The following ATG4D variants were observed in gnomAD, a reference collection of about 807,000 sequenced individuals.
ATG4D encodes the protein autophagy related 4D cysteine peptidase, also known as cysteine protease ATG4D.
A neutral mutation model predicts 55.2 loss-of-function variants in ATG4D; 51 were observed. That is an observed-to-expected ratio of 0.92 (90% CI 0.74 to 1.17). The LOEUF (loss-of-function observed/expected upper bound fraction) is 1.17. Ranked by LOEUF, ATG4D falls within the 50% of genes most tolerant of loss-of-function variation. ATG4D has a pLI of 0.00. For missense variants in ATG4D, 635 were observed against 649.6 expected (o/e 0.98, Z 0.25); for synonymous variants, 268 against 266.2 (o/e 1.01, Z -0.07).
At chr19:10,546,574 G>A (rs1167029015) in intron 3 of ATG4D, among the ~76,000 whole-genome samples, 6 of 151,418 alleles carry the variant, frequency 4.0e-5, no homozygotes, top group Non-Finnish European at 5.9e-5. Flanking sequence ...GGCTGGTCTC[G>A]AACTCCAGGC....
chr19:10,551,797 C>A, intron 6 of ATG4D, 100 bp from the exon 7 acceptor site: 1 of 1,078,638 alleles, frequency 9.3e-7, no homozygotes, highest in Non-Finnish European at 1.4e-6. Context: ...TGGTCTTGAT[C>A]ACTGCTGCCC....
intron 3 of ATG4D, among the ~76,000 whole-genome samples, chr19:10,545,606 G>A (rs1183496973): frequency 6.6e-6 from 1 of 150,712 alleles, no homozygotes; most frequent in African/African-American, 2.4e-5. Flanking sequence ...CACCAGGCAC[G>A]GTGGCTCATG....
At chr19:10,545,227 G>C in intron 3 of ATG4D, 97 bp downstream of exon 3, 3 of 1,459,574 alleles carry the variant, frequency 2.1e-6, no homozygotes, top group Non-Finnish European at 9.2e-7. Flanking sequence ...TCAAAGTCAC[G>C]TTAGAATTGT....
At position 10,553,083 on chromosome 19, in the gene ATG4D, G is replaced by A. The variant is rs1358054757; in HGVS notation, c.*16G>A. 1.3e-6 allele frequency: 2 copies of A among 1,586,338 alleles called. No individual in the cohort carries two copies. Among genetic ancestry groups the A allele is most frequent in the Non-Finnish European group, 1.7e-6 (2 of 1,168,048 alleles). The stretch of plus-strand genomic sequence containing the variant: ...GTTTTTATAAAGGGAGGGGATGAGG[G>A]GAAAGATACAACACTATTTATTTTT... On this transcript the variant is annotated 3_prime_UTR_variant, in exon 10 of 10. Coordinates refer to ENST00000309469, the MANE Select transcript of ATG4D (RefSeq NM_032885.6).
intron 1 of ATG4D, 181 bp from the exon 2 acceptor site, chr19:10,544,602 C>T (rs1915972278): frequency 8.0e-7 from 1 of 1,255,180 alleles, no homozygotes; most frequent in African/African-American, 1.5e-5. Context: ...TTCCTTCATC[C>T]TGAATTGATG....
In ATG4D at chr19:10,547,628, A is replaced by G. The variant is rs1249969525; in HGVS notation, c.835+375A>G. The stretch of plus-strand genomic sequence containing the variant: ...GGGCGACAGAGTAGGATCCTGTCGA[A>G]AAAAAAAAAAAAAAAAAAAAGAGGC... On this transcript the variant is annotated intron_variant, in intron 5 of 9. Transcript: ENST00000309469. Among the ~76,000 whole-genome samples the G allele has an allele frequency of 4.7e-3, 136 of 28,870 alleles. No homozygotes were observed. In the East Asian group the frequency reaches 0.1, roughly 22 times the overall value. The allele number at this position is 28,870 out of a possible 152,430, so 18.9% of individuals were successfully genotyped here.
chr19:10,551,073 C>G (rs1232045849), intron 6 of ATG4D: 1 of 152,156 alleles, frequency 6.6e-6, no homozygotes, highest in Non-Finnish European at 1.5e-5. Flanking sequence ...GAGACAAATT[C>G]TAAAAGAGCT....
Position 10,547,209 on chromosome 19 carries a change from C to T in ATG4D, c.791C>T (p.Ser264Phe). Residue 264 changes from serine to phenylalanine, a missense_variant, in exon 5 of 10, where the codon TCC becomes TTC. By Grantham distance (155) the Ser-to-Phe change is radical. Transcript: ENST00000309469. ...HILRKAVESCSDVTRLVVYVS... is the reference protein window; with the variant it reads ...HILRKAVESCFDVTRLVVYVS... ...CCCAGGAAAGCCGTGGAGAGCTGCT[C>T]CGACGTCACCCGCCTGGTGGTGTAC... The T allele has an allele frequency of 6.2e-7, 1 of 1,614,012 alleles. No homozygotes were observed. Among genetic ancestry groups the T allele is most frequent in the Non-Finnish European group, 8.5e-7 (1 of 1,179,964 alleles).
At position 10,552,922 on chromosome 19, in the gene ATG4D, T is replaced by C. The variant is rs761287717; in HGVS notation, c.1280T>C (p.Met427Thr). The C allele has an allele frequency of 1.8e-5, 29 of 1,613,286 alleles. No individual in the cohort carries two copies. Among genetic ancestry groups the C allele is most frequent in the Non-Finnish European group, 4.2e-6 (5 of 1,179,900 alleles). Residue 427 changes from methionine (M) to threonine (T), a missense_variant, in exon 10 of 10, where the codon ATG (methionine) becomes ACG (threonine). Coordinates refer to ENST00000309469, the MANE Select transcript of ATG4D (RefSeq NM_032885.6). ...SSSSATERYPMFTLAEGHAQD... is the reference protein window; with the variant it reads ...SSSSATERYPTFTLAEGHAQD... ...TCCTCAGCCACAGAGCGGTACCCCATGTTCACCCTGGCCGAGGGCCATGCT... is the reference window on the plus strand; with the variant it reads ...TCCTCAGCCACAGAGCGGTACCCCACGTTCACCCTGGCCGAGGGCCATGCT...
intron 9 of ATG4D, 54 bp from the exon 10 acceptor site, chr19:10,552,831 A>T: frequency 6.5e-7 from 1 of 1,539,864 alleles, no homozygotes; most frequent in Non-Finnish European, 8.8e-7. Flanking sequence ...ACCTGGGCTA[A>T]GGAATATGGC....
rs1488471219 is a variant in ATG4D, at chr19:10,553,201, C to T, written c.*134C>T. 42 of 1,152,740 alleles carry T rather than the reference C, an allele frequency of 3.6e-5. No individual in the cohort carries two copies. Among genetic ancestry groups the T allele is most frequent in the Admixed American group, 2.8e-4 (10 of 36,314 alleles). 71.4% of individuals were successfully genotyped at this position (1,152,740 alleles called of 1,614,324 possible). A position where few individuals can be genotyped will look rare whatever the true frequency, so the allele number is the denominator to read the frequency against. On this transcript the variant is annotated 3_prime_UTR_variant, in exon 10 of 10. Transcript: ENST00000309469. Reference sequence around the variant, plus strand: ...CCCCTCAAGCCCAGCTGCAACCAGTCTGGGGCCATTCAGCCAGGGACAGAG... The same window carrying T: ...CCCCTCAAGCCCAGCTGCAACCAGTTTGGGGCCATTCAGCCAGGGACAGAG...
At chr19:10,548,302 G>T (rs1231277469) in intron 5 of ATG4D, among the ~76,000 whole-genome samples, 1 of 151,744 alleles carries the variant, frequency 6.6e-6, no homozygotes, top group Admixed American at 6.6e-5. Flanking sequence ...CAAAGTGCTG[G>T]GATTACAAGC....
intron 1 of ATG4D, 138 bp downstream of exon 1, chr19:10,544,463 C>G: frequency 1.1e-6 from 1 of 918,560 alleles, no homozygotes; most frequent in Non-Finnish European, 1.5e-6. Flanking sequence ...CAGGGTGGAC[C>G]TGTGGCAGGT....
rs376504135 is a variant in ATG4D at position 10,546,957 on chromosome 19, T to C, written c.612T>C (p.Pro204=). 3.8e-5 allele frequency: 62 copies of C among 1,610,882 alleles called. No individual in the cohort carries two copies. The highest frequency in any genetic ancestry group is 4.7e-5 in the Non-Finnish European group (56 of 1,178,996). Residue 204 remains proline, a synonymous_variant, in exon 4 of 10, where the codon CCT becomes CCC. Transcript: ENST00000309469. ...WMPPRWAQGA[P]ELEQERRHRQ... ...CCCCACGCTGGGCCCAGGGTGCCCC[T>C]GAGCTGGAGCAGGAACGCCGGCACC...
At chr19:10,550,711 T>C (rs957710860) in intron 6 of ATG4D, among the ~76,000 whole-genome samples, 1 of 142,896 alleles carries the variant, frequency 7.0e-6, no homozygotes, top group Non-Finnish European at 1.5e-5. Context: ...CATGTGGCTT[T>C]TTTTTTTTTT....
intron 6 of ATG4D, chr19:10,550,932 G>C (rs954158779): frequency 2.0e-5 from 3 of 151,888 alleles, no homozygotes; most frequent in Admixed American, 6.6e-5. Context: ...GGATGGTCTC[G>C]ATCTCCTGAC....
At chr19:10,550,078 GCTCACTGCAAC>G (rs960926696) in intron 6 of ATG4D, among the ~76,000 whole-genome samples, 37 of 152,042 alleles carry the variant, frequency 2.4e-4, no homozygotes, top group African/African-American at 8.9e-4. Context: ...CACCGTCTTG[GCTCACTGCAAC>G]CTCCGCTTCC....
Position 10,543,974 on chromosome 19 carries a change from G to A in ATG4D, c.-117G>A, listed in dbSNP as rs1044171555. 2 of 620,700 alleles carry A rather than the reference G, an allele frequency of 3.2e-6. No individual in the cohort carries two copies. The highest frequency in any genetic ancestry group is 9.0e-5 in the Admixed American group (2 of 22,292). 38.4% of individuals were successfully genotyped at this position (620,700 alleles called of 1,614,324 possible). Reference sequence around the variant, plus strand: ...GGCTGTTGCCTGGCCCGGTACCCTGGGGACGGGGGCCGAGTAGCGCCTTCC... The same window carrying A: ...GGCTGTTGCCTGGCCCGGTACCCTGAGGACGGGGGCCGAGTAGCGCCTTCC... On this transcript the variant is annotated 5_prime_UTR_variant, in exon 1 of 10. Coordinates refer to ENST00000309469, the MANE Select transcript of ATG4D (RefSeq NM_032885.6).
At chr19:10,547,740 A>T (rs1916085118) in intron 5 of ATG4D, among the ~76,000 whole-genome samples, 2 of 148,148 alleles carry the variant, frequency 1.3e-5, no homozygotes, top group South Asian at 4.6e-4. Flanking sequence ...TCTGTCACCC[A>T]GGCTTCAGTG....
Sources: gnomAD v4.1 joint callset for allele counts (sites outside exome capture counted in the v4.1 genomes callset) on GRCh38, gnomAD v4.1.1 for gene constraint, MANE v1.5 for transcripts, NCBI Gene and HGNC (gene_info 2026-07-23, HGNC 2026-07-21) for gene names.